The following CFAP45 variants were observed in gnomAD, a reference collection of about 807,000 sequenced individuals.
The protein encoded by CFAP45 is cilia- and flagella-associated protein 45.
Under a neutral mutation model 75.6 loss-of-function variants are expected in CFAP45, and 43 were observed. The ratio of observed to expected loss-of-function variants is 0.57; its 90% confidence interval spans 0.45 to 0.73. The LOEUF is 0.73. Ranked by LOEUF, CFAP45 falls within the 30% of genes least tolerant of loss-of-function variation. The probability of loss-of-function intolerance (pLI) is 0.00; values close to 1 mark genes in which losing one functional copy is unlikely to be tolerated. For synonymous variants in CFAP45, 223 were observed against 244.6 expected, an observed-to-expected ratio of 0.91 and a Z score of 0.82; for missense variants, 689 against 701.5, an observed-to-expected ratio of 0.98 and a Z score of 0.20.
chr1:159,884,698 T>G, intron 6 of CFAP45, 133 bp from the exon 7 acceptor site: 1 of 906,560 alleles, frequency 1.1e-6, no homozygotes, highest in Non-Finnish European at 1.7e-6. Context: ...TAAACATGAA[T>G]ATGCTTCATG....
rs143740745 is a variant in CFAP45 at position 159,887,892 on chromosome 1, T to C, written c.537A>G (p.Arg179=). ...AKERAQNLLQ[R]ANKLRMEQEE... ...CCTGCTCCATCCGCAGCTTGTTGGCTCTCTGCAGGAGGTTCTGGGCCCGTT... is the reference window on the plus strand; with the variant it reads ...CCTGCTCCATCCGCAGCTTGTTGGCCCTCTGCAGGAGGTTCTGGGCCCGTT... The change falls in exon 5 of 12, where the codon AGA becomes AGG. Residue 179 remains arginine, a synonymous_variant. Transcript: ENST00000368099. The C allele has an allele frequency of 8.1e-6, 13 of 1,614,068 alleles. No homozygotes were observed. Among genetic ancestry groups the C allele is most frequent in the Admixed American group, 3.3e-5 (2 of 59,996 alleles).
intron 7 of CFAP45, among the ~76,000 whole-genome samples, chr1:159,881,178 A>C (rs1047389808): frequency 2.6e-5 from 4 of 152,180 alleles, no homozygotes. Flanking sequence ...CTAATACCTA[A>C]ATATGTCCAA....
At chr1:159,897,747 A>T (rs1649985114) in intron 1 of CFAP45, among the ~76,000 whole-genome samples, 1 of 152,194 alleles carries the variant, frequency 6.6e-6, no homozygotes. Context: ...TGCAATGAGT[A>T]GATACCAATT....
intron 10 of CFAP45, among the ~76,000 whole-genome samples, chr1:159,875,279 G>A (rs1649372144): frequency 6.6e-6 from 1 of 152,238 alleles, no homozygotes; most frequent in Admixed American, 6.5e-5. Flanking sequence ...AGGCCAGGGA[G>A]GAGAGAGGAG....
chr1:159,897,994 G>A, intron 1 of CFAP45: 1 of 515,188 alleles, frequency 1.9e-6, no homozygotes, highest in Non-Finnish European at 2.5e-6. Context: ...TTTCCCTGAT[G>A]TAACTTCAAC....
intron 6 of CFAP45, 43 bp from the exon 7 acceptor site, chr1:159,884,608 C>A: frequency 6.3e-7 from 1 of 1,589,750 alleles, no homozygotes. Context: ...ACCCCGGGTC[C>A]ACATCTCCCA....
chr1:159,885,971 G>A (rs545322305), intron 6 of CFAP45, among the ~76,000 whole-genome samples: 1 of 152,334 alleles, frequency 6.6e-6, no homozygotes, highest in South Asian at 2.1e-4. Context: ...GCACAGAGTA[G>A]ATGGCAGGTA....
In CFAP45 at chr1:159,880,690, C is replaced by T. The variant is rs770746064; in HGVS notation, c.908G>A (p.Arg303Gln). The T allele has an allele frequency of 3.7e-6, 6 of 1,613,818 alleles. No homozygotes were observed. The highest frequency in any genetic ancestry group is 3.3e-5 in the South Asian group (3 of 91,004). Reference protein sequence around the residue: ...LQEEDLKDMERRQQQKLKMQA... With the variant: ...LQEEDLKDMEQRQQQKLKMQA... Reference sequence around the variant, plus strand: ...CATCTTCAGTTTTTGTTGCTGCCTTCGTTCCATGTCCTGCCAGCAAAAGAA... The same window carrying T: ...CATCTTCAGTTTTTGTTGCTGCCTTTGTTCCATGTCCTGCCAGCAAAAGAA... Residue 303 changes from arginine (R) to glutamine (Q), a missense_variant, in exon 8 of 12, where the codon CGA becomes CAA. By Grantham distance (43) the Arg-to-Gln change is conservative. Transcript: ENST00000368099.
intron 1 of CFAP45, chr1:159,898,162 CTT>C: frequency 1.0e-6 from 1 of 985,236 alleles, no homozygotes; most frequent in Non-Finnish European, 1.2e-6. Context: ...TTTCTGTAGA[CTT>C]TGGTTACCAA....
At chr1:159,894,298 A>G (rs542149018) in intron 1 of CFAP45, among the ~76,000 whole-genome samples, 1 of 152,168 alleles carries the variant, frequency 6.6e-6, no homozygotes, top group Non-Finnish European at 1.5e-5. Context: ...CAAGAGGACA[A>G]TCTCTTGTGG....
intron 11 of CFAP45, 75 bp from the exon 12 acceptor site, chr1:159,872,638 T>A (rs1484947259): frequency 7.4e-7 from 1 of 1,351,736 alleles, no homozygotes; most frequent in East Asian, 2.3e-5. Flanking sequence ...AGGCTCTGGG[T>A]GGGGTTTACA....
In CFAP45 at chr1:159,895,700, T is replaced by A. The variant is rs1158743085; in HGVS notation, c.4-2395A>T. 3.3e-5 allele frequency among the ~76,000 whole-genome samples: 5 copies of A among 152,338 alleles called. 1 individual carries two copies. Among genetic ancestry groups the A allele is most frequent in the Admixed American group, 3.3e-4 (5 of 15,300 alleles). On this transcript the variant is annotated intron_variant, in intron 1 of 11. Coordinates refer to ENST00000368099, the MANE Select transcript of CFAP45 (RefSeq NM_012337.3). Reference sequence around the variant, plus strand: ...GCCCCAAGGATGCCTAATAACAGCCTCTGAAGGGTTATTATATGGTAGGTG... The same window carrying A: ...GCCCCAAGGATGCCTAATAACAGCCACTGAAGGGTTATTATATGGTAGGTG...
In CFAP45 at chr1:159,877,383, A is replaced by G; in HGVS notation, c.1124T>C (p.Met375Thr). The change falls in exon 9 of 12, where the codon ATG becomes ACG. Residue 375 changes from methionine (M) to threonine (T), a missense_variant. By Grantham distance (81) the Met-to-Thr change is moderately conservative. Coordinates refer to ENST00000368099, the MANE Select transcript of CFAP45 (RefSeq NM_012337.3). The stretch of plus-strand genomic sequence containing the variant: ...CTGGTAATCCTGGGCCTTCTCCTGC[A>G]TGGCCCTCAAGCGTGCGATCTCCTT... ...KEKEIARLRA[M>T]QEKAQDYQAE... 1.2e-6 allele frequency: 2 copies of G among 1,613,950 alleles called. No individual in the cohort carries two copies. The highest frequency in any genetic ancestry group is 2.2e-5 in the South Asian group (2 of 91,082).
At chr1:159,882,819 T>A (rs1649581704) in intron 7 of CFAP45, among the ~76,000 whole-genome samples, 1 of 152,174 alleles carries the variant, frequency 6.6e-6, no homozygotes, top group Non-Finnish European at 1.5e-5. Context: ...CCTTGCATAT[T>A]TGCCCCATAA....
chr1:159,883,639 T>C (rs1218427046), intron 7 of CFAP45, among the ~76,000 whole-genome samples: 1 of 148,946 alleles, frequency 6.7e-6, no homozygotes, highest in African/African-American at 2.5e-5. Context: ...TATATATATA[T>C]ATATATATAT....
At chr1:159,890,757 CTTTT>C (rs965390100) in intron 2 of CFAP45, 135 bp from the exon 3 acceptor site, 676 of 318,326 alleles carry the variant, frequency 2.1e-3, no homozygotes, top group Middle Eastern at 4.9e-3. Flanking sequence ...CTTTTCTTTT[CTTTT>C]TTTTTTTTTT....
At chr1:159,877,495 C>T (rs1649432136) in intron 8 of CFAP45, 33 bp from the exon 9 acceptor site, 2 of 1,447,984 alleles carry the variant, frequency 1.4e-6, no homozygotes, top group African/African-American at 1.4e-5. Context: ...AGAATAGTTG[C>T]CATTGCCCCA....
chr1:159,886,667 T>A lies in CFAP45; in HGVS notation c.611A>T (p.His204Leu), dbSNP rs1364197951. 1 of 1,614,086 alleles carries A rather than the reference T, an allele frequency of 6.2e-7. No individual in the cohort carries two copies. The highest frequency in any genetic ancestry group is 1.1e-5 in the South Asian group (1 of 91,080). ...CAGGATTTGGGCATCCCGGATGGCA[T>A]GGCACTTAGCATTGAGGATAATCTG... The part of the protein sequence containing the change: ...MSKIILNAKC[H>L]AIRDAQILEK... Residue 204 changes from histidine to leucine, a missense_variant, in exon 6 of 12, where the codon CAT (histidine) becomes CTT (leucine). Physicochemically the swap from His to Leu is moderately conservative, Grantham distance 99. Coordinates refer to ENST00000368099, the MANE Select transcript of CFAP45 (RefSeq NM_012337.3).
Position 159,893,168 on chromosome 1 carries a change from G to T in CFAP45, c.129+12C>A. 1 of 1,613,408 alleles carries T rather than the reference G, an allele frequency of 6.2e-7. No individual in the cohort carries two copies. The highest frequency in any genetic ancestry group is 8.5e-7 in the Non-Finnish European group (1 of 1,179,546). On this transcript the variant is annotated intron_variant, in intron 2 of 11. Coordinates refer to ENST00000368099, the MANE Select transcript of CFAP45 (RefSeq NM_012337.3). ...AGGTGGCATCAACTTGAAAGGACTTGTTGAGGATTACCTTGATATCTCCAA... is the reference window on the plus strand; with the variant it reads ...AGGTGGCATCAACTTGAAAGGACTTTTTGAGGATTACCTTGATATCTCCAA...
Sources: gnomAD v4.1 joint callset for allele counts (sites outside exome capture counted in the v4.1 genomes callset) on GRCh38, gnomAD v4.1.1 for gene constraint, MANE v1.5 for transcripts, NCBI Gene and HGNC (gene_info 2026-07-23, HGNC 2026-07-21) for gene names.